PREP: variants seen among roughly 807,000 people sequenced by gnomAD.
PREP encodes the protein dJ355L5.1 (prolyl endopeptidase).
Under a neutral mutation model 87.6 loss-of-function variants are expected in PREP, and 29 were observed. That is an observed-to-expected ratio of 0.33 (90% CI 0.25 to 0.45). The LOEUF (loss-of-function observed/expected upper bound fraction) is 0.45, where lower values mean the gene tolerates loss of function less well. Among genes scored for constraint, PREP ranks in the 20% least tolerant of loss-of-function variants. The pLI is 1.00. For missense variants in PREP, 695 were observed against 886.5 expected (o/e 0.78, Z 2.74); for synonymous variants, 337 against 328.6 (o/e 1.03, Z -0.28).
intron 10 of PREP, among the ~76,000 whole-genome samples, chr6:105,316,339 C>T (rs2114639191): frequency 6.6e-6 from 1 of 152,298 alleles, no homozygotes; most frequent in South Asian, 2.1e-4. Flanking sequence ...ACGGATGGAG[C>T]AGTCAGAACA....
At chr6:105,400,956 A>C (rs564502852) in intron 1 of PREP, among the ~76,000 whole-genome samples, 1 of 149,448 alleles carries the variant, frequency 6.7e-6, no homozygotes, top group Non-Finnish European at 1.5e-5. Context: ...CTTAGTAACC[A>C]AAACCTTAAT....
chr6:105,312,876 G>A (rs892385446), intron 10 of PREP, among the ~76,000 whole-genome samples: 12 of 152,112 alleles, frequency 7.9e-5, no homozygotes, highest in African/African-American at 1.9e-4. Context: ...GCTACGGGGC[G>A]GCACTGGGGC....
intron 6 of PREP, among the ~76,000 whole-genome samples, chr6:105,354,893 C>T (rs1212502524): frequency 6.6e-6 from 1 of 152,154 alleles, no homozygotes; most frequent in East Asian, 1.9e-4. Flanking sequence ...CTTCAATAAA[C>T]ACTTGCTAAG....
In PREP at chr6:105,278,447, C is replaced by T. The variant is rs186512128; in HGVS notation, c.1839-9G>A. The stretch of plus-strand genomic sequence containing the variant: ...TATGCAATGGAGAGTATCTGGAAGG[C>T]AAAAACACCTTTGTGAGGCTGGAGA... On this transcript the variant is annotated splice_polypyrimidine_tract_variant and intron_variant, in intron 14 of 14. Coordinates refer to ENST00000652536, the MANE Select transcript of PREP (RefSeq NM_002726.5). This position sits in a 1 kb window ranked among gnomAD's most constrained non-coding sequence, Gnocchi z 4.2. 173 of 1,601,472 alleles carry T rather than the reference C, an allele frequency of 1.1e-4. No homozygotes were observed. The East Asian group carries it at 3.4e-3, about 32-fold the overall frequency.
At chr6:105,365,348 G>A (rs1341386658) in intron 6 of PREP, among the ~76,000 whole-genome samples, 1 of 152,142 alleles carries the variant, frequency 6.6e-6, no homozygotes, top group Non-Finnish European at 1.5e-5. Context: ...AGCCATGGGT[G>A]CTTCTGGCCC....
intron 10 of PREP, chr6:105,302,724 C>T (rs1405292640): frequency 5.9e-6 from 3 of 510,134 alleles, no homozygotes; most frequent in East Asian, 5.0e-5. Flanking sequence ...CTGTCAGTGG[C>T]GATGCGCAGC....
chr6:105,295,512 C>T (rs1770391064), intron 10 of PREP, among the ~76,000 whole-genome samples: 1 of 152,152 alleles, frequency 6.6e-6, no homozygotes, highest in Admixed American at 6.5e-5. Flanking sequence ...ATCCCGAGTA[C>T]CCCATACTCA....
chr6:105,289,720 GA>G (rs1450411250), intron 10 of PREP, among the ~76,000 whole-genome samples: 1 of 152,074 alleles, frequency 6.6e-6, no homozygotes, highest in Non-Finnish European at 1.5e-5. Context: ...TTCCCAAAAG[GA>G]AAAGCTGTGA....
intron 10 of PREP, among the ~76,000 whole-genome samples, chr6:105,310,776 G>T (rs1244553316): frequency 6.6e-6 from 1 of 152,200 alleles, no homozygotes; most frequent in Admixed American, 6.5e-5. Context: ...TATTTATGCT[G>T]AAGATTCCCA....
At chr6:105,383,797 G>A (rs545564141) in intron 2 of PREP, among the ~76,000 whole-genome samples, 1 of 152,142 alleles carries the variant, frequency 6.6e-6, no homozygotes, top group Admixed American at 6.5e-5. Context: ...TCATGACCAG[G>A]GAAAACTGAA....
At chr6:105,322,195 C>G (rs1043028189) in intron 10 of PREP, 113 of 681,044 alleles carry the variant, frequency 1.7e-4, no homozygotes, top group Non-Finnish European at 1.9e-4. Flanking sequence ...GCTACAGGCC[C>G]CTACAGGATC....
chr6:105,383,198 G>T (rs540173959), intron 2 of PREP, among the ~76,000 whole-genome samples: 8 of 149,006 alleles, frequency 5.4e-5, no homozygotes, highest in Admixed American at 5.4e-4. Flanking sequence ...AACAATAAAA[G>T]ATTGGAATAA....
chr6:105,293,601 TAAAA>T (rs199738673), intron 10 of PREP, among the ~76,000 whole-genome samples: 1 of 130,496 alleles, frequency 7.7e-6, no homozygotes, highest in Non-Finnish European at 1.7e-5. Flanking sequence ...CTTCAATTTG[TAAAA>T]AAAAAAAAAA....
intron 6 of PREP, among the ~76,000 whole-genome samples, chr6:105,366,425 T>C (rs1204941627): frequency 1.3e-5 from 2 of 152,166 alleles, no homozygotes; most frequent in Non-Finnish European, 2.9e-5. Context: ...ATTACCCTAG[T>C]AGGTATTTTA....
intron 10 of PREP, among the ~76,000 whole-genome samples, chr6:105,309,968 T>C (rs1770728321): frequency 6.6e-6 from 1 of 152,316 alleles, no homozygotes; most frequent in African/African-American, 2.4e-5. Context: ...TCCCCTCTCC[T>C]ACCTTCTCCC....
intron 2 of PREP, among the ~76,000 whole-genome samples, chr6:105,380,549 G>A (rs1772810499): frequency 6.6e-6 from 1 of 152,206 alleles, no homozygotes; most frequent in Non-Finnish European, 1.5e-5. Flanking sequence ...GTTCGGGTGA[G>A]AGACAAGGCC....
In PREP at chr6:105,285,511, G is replaced by T. The variant is rs200637622; in HGVS notation, c.1524C>A (p.Gly508=). 19 of 1,613,672 alleles carry T rather than the reference G, an allele frequency of 1.2e-5. No homozygotes were observed. Among genetic ancestry groups the T allele is most frequent in the Non-Finnish European group, 1.5e-5 (18 of 1,179,788 alleles). Residue 508 remains glycine (G), a synonymous_variant, in exon 12 of 15, where the codon GGC becomes GGA. Transcript: ENST00000652536. ...ILAVANIRGG[G]EYGETWHKGG... is the part of the protein sequence containing the mutation. ...CTTTATGCCACGTCTCTCCATATTCGCCACCTCCTCTGATGTTGGCCACTG... is the reference window on the plus strand; with the variant it reads ...CTTTATGCCACGTCTCTCCATATTCTCCACCTCCTCTGATGTTGGCCACTG...
chr6:105,288,737 C>CTG (rs780518839), intron 11 of PREP, 21 bp downstream of exon 11: 9 of 1,612,720 alleles, frequency 5.6e-6, no homozygotes, highest in Non-Finnish European at 7.6e-6. Flanking sequence ...TACTGGCACT[C>CTG]TGAGTGCGTT....
At chr6:105,303,114 T>C (rs1348777377) in intron 10 of PREP, among the ~76,000 whole-genome samples, 1 of 116,602 alleles carries the variant, frequency 8.6e-6, no homozygotes, top group African/African-American at 3.7e-5. Context: ...ATGAAGTCCA[T>C]GTATGTATGT....
Sources: gnomAD v4.1 joint callset for allele counts (sites outside exome capture counted in the v4.1 genomes callset) on GRCh38, gnomAD v4.1.1 for gene constraint, Gnocchi (gnomAD v3.1) non-coding constraint, MANE v1.5 for transcripts, NCBI Gene and HGNC (gene_info 2026-07-23, HGNC 2026-07-21) for gene names.